The following TENM2 variants were observed in gnomAD, a reference collection of about 807,000 sequenced individuals.
TENM2 encodes teneurin transmembrane protein 2, also known as teneurin-2.
A neutral mutation model predicts 245.2 loss-of-function variants in TENM2; 52 were observed. That is an observed-to-expected ratio of 0.21 (90% CI 0.17 to 0.27). TENM2 has a LOEUF of 0.27. Ranked by LOEUF, TENM2 falls within the 10% of genes least tolerant of loss-of-function variation. The pLI is 1.00. For missense variants in TENM2, 3,046 were observed against 3,666.8 expected (o/e 0.83, Z 4.37); for synonymous variants, 1,363 against 1,438.9 (o/e 0.95, Z 1.19).
chr5:167,544,953 C>T (rs1251750491), intron 2 of TENM2, among the ~76,000 whole-genome samples: 1 of 152,148 alleles, frequency 6.6e-6, no homozygotes, highest in African/African-American at 2.4e-5. Context: ...TTTAATATAG[C>T]AGCGTCCAAA....
At chr5:167,142,620 G>A in the TENM2 span, among the ~76,000 whole-genome samples, 3 of 152,068 alleles carry the variant, frequency 2.0e-5, no homozygotes, top group Admixed American at 6.6e-5. Context: ...GCACGATCTC[G>A]GCTCACTGCA....
chr5:167,427,356 GGCA>G (rs1763894630), intron 2 of TENM2, among the ~76,000 whole-genome samples: 1 of 152,096 alleles, frequency 6.6e-6, no homozygotes, highest in South Asian at 2.1e-4. Context: ...GGGAGGCTGA[GGCA>G]GCAGAATTGC....
At chr5:167,163,737 A>G in the TENM2 span, among the ~76,000 whole-genome samples, 1 of 152,186 alleles carries the variant, frequency 6.6e-6, no homozygotes. Context: ...TATTTCATTC[A>G]TTCCAGCAGG....
intron 2 of TENM2, among the ~76,000 whole-genome samples, chr5:167,447,440 G>C (rs949909375): frequency 1.3e-5 from 2 of 152,120 alleles, no homozygotes; most frequent in Non-Finnish European, 2.9e-5. Context: ...TTGTTCGTTT[G>C]TTTCTCTTTG....
At chr5:168,128,003 C>T (rs949472409) in intron 12 of TENM2, among the ~76,000 whole-genome samples, 1 of 152,206 alleles carries the variant, frequency 6.6e-6, no homozygotes, top group Admixed American at 6.5e-5. Context: ...GGAGCTTGCG[C>T]AGGGCTGATT....
At chr5:167,353,500 GTTTTTTTTTTT>G (rs59240930) in intron 1 of TENM2, among the ~76,000 whole-genome samples, 7 of 79,440 alleles carry the variant, frequency 8.8e-5, no homozygotes, top group African/African-American at 2.1e-4. Flanking sequence ...TGTTGTTGTT[GTTTTTTTTTTT>G]TTTTTTTTTT....
intron 9 of TENM2, among the ~76,000 whole-genome samples, chr5:168,101,908 C>G (rs1418980818): frequency 6.6e-6 from 1 of 152,118 alleles, no homozygotes; most frequent in African/African-American, 2.4e-5. Flanking sequence ...GAAATTTCCC[C>G]TCATTCTAAA....
intron 2 of TENM2, among the ~76,000 whole-genome samples, chr5:167,394,682 A>G (rs941568942): frequency 4.0e-5 from 6 of 151,782 alleles, no homozygotes; most frequent in Non-Finnish European, 5.9e-5. Flanking sequence ...GGCAACCTCT[A>G]CCTCCTGGGG....
chr5:167,196,480 A>ATG, the TENM2 span, among the ~76,000 whole-genome samples: 1 of 146,876 alleles, frequency 6.8e-6, no homozygotes, highest in Non-Finnish European at 1.5e-5. Flanking sequence ...GTATATATAT[A>ATG]TGTGTGTATA....
the TENM2 span, among the ~76,000 whole-genome samples, chr5:167,095,461 G>A: frequency 6.6e-6 from 1 of 152,126 alleles, no homozygotes; most frequent in Admixed American, 6.6e-5. Flanking sequence ...GTAGGAGGCG[G>A]CGGGCGGCAG....
At chr5:167,858,712 C>T (rs1303822688) in intron 2 of TENM2, among the ~76,000 whole-genome samples, 6 of 151,026 alleles carry the variant, frequency 4.0e-5, no homozygotes, top group African/African-American at 1.5e-4. Flanking sequence ...GAAGCAGAGC[C>T]GCTGCCGCGA....
intron 2 of TENM2, among the ~76,000 whole-genome samples, chr5:167,630,698 G>A (rs761239298): frequency 1.3e-5 from 2 of 152,098 alleles, no homozygotes; most frequent in Non-Finnish European, 2.9e-5. Context: ...TCTTTAAAAT[G>A]CAATAACCAT....
Position 167,956,496 on chromosome 5 carries a change from T to A in TENM2, c.947+3674T>A, listed in dbSNP as rs556029482. Among the ~76,000 whole-genome samples, 3 of 152,318 alleles carry A rather than the reference T, an allele frequency of 2.0e-5. No homozygotes were observed. The South Asian group carries it at 6.2e-4, about 32-fold the overall frequency. On this transcript the variant is annotated intron_variant, in intron 4 of 28. Coordinates refer to ENST00000518659, the Ensembl canonical transcript of TENM2. ...CTTGCCTGATTTCCCTCGCCAGAAC[T>A]TCGAGTACTATGTTGAATAGGAGTG...
chr5:167,824,032 C>G (rs1251383585), intron 2 of TENM2, among the ~76,000 whole-genome samples: 1 of 152,152 alleles, frequency 6.6e-6, no homozygotes, highest in East Asian at 1.9e-4. Context: ...GGCTCCCCTG[C>G]CTTCTCCCCG....
At chr5:167,907,569 A>ATATATATATATATATG (rs1776209100) in intron 3 of TENM2, among the ~76,000 whole-genome samples, 1 of 108,258 alleles carries the variant, frequency 9.2e-6, no homozygotes, top group Non-Finnish European at 2.0e-5. Context: ...ATATATATAT[A>ATATATATATATATATG]TATGTATGTA....
the TENM2 span, among the ~76,000 whole-genome samples, chr5:167,032,840 A>C: frequency 0.45 from 68,809 of 151,838 alleles, 16,120 homozygotes; most frequent in African/African-American, 0.55. Flanking sequence ...TTTCTAACTC[A>C]GCTGAAGGAT....
At chr5:167,825,896 T>C (rs934775261) in intron 2 of TENM2, among the ~76,000 whole-genome samples, 7 of 151,252 alleles carry the variant, frequency 4.6e-5, no homozygotes, top group Non-Finnish European at 5.9e-5. Context: ...GTGACCCAGG[T>C]ATCAGCTCAA....
chr5:167,579,442 G>T (rs532975908), intron 2 of TENM2, among the ~76,000 whole-genome samples: 1 of 152,256 alleles, frequency 6.6e-6, no homozygotes, highest in South Asian at 2.1e-4. Context: ...TATCATTATT[G>T]TCTGTTATTT....
chr5:168,255,539 C>T (rs1767573622), intron 27 of TENM2, among the ~76,000 whole-genome samples: 1 of 151,730 alleles, frequency 6.6e-6, no homozygotes, highest in South Asian at 2.1e-4. Context: ...CTCCTGACCT[C>T]AGGTGATCCA....
Sources: gnomAD v4.1 joint callset for allele counts (sites outside exome capture counted in the v4.1 genomes callset) on GRCh38, gnomAD v4.1.1 for gene constraint, MANE v1.5 for transcripts, NCBI Gene and HGNC (gene_info 2026-07-23, HGNC 2026-07-21) for gene names.